KLHL3: variants seen among roughly 807,000 people sequenced by gnomAD.
The protein encoded by KLHL3 is kelch-like protein 3.
In KLHL3, 19 loss-of-function variants were observed where a neutral mutation model predicts 70.5. The observed-to-expected ratio is 0.27, with a 90% CI of 0.19 to 0.40. KLHL3 has a LOEUF of 0.40. Among genes scored for constraint, KLHL3 ranks in the 10% least tolerant of loss-of-function variants. The probability of loss-of-function intolerance (pLI) is 1.00; values close to 1 mark genes in which losing one functional copy is unlikely to be tolerated. For missense variants in KLHL3, 512 were observed against 771.1 expected (o/e 0.66, Z 3.98); for synonymous variants, 258 against 290.3 (o/e 0.89, Z 1.13).
intron 3 of KLHL3, among the ~76,000 whole-genome samples, chr5:137,700,311 C>G (rs1481658884): frequency 2.0e-5 from 3 of 152,152 alleles, no homozygotes; most frequent in East Asian, 3.8e-4. Context: ...AAAAGATAAT[C>G]AAAGATAGCC....
intron 6 of KLHL3, among the ~76,000 whole-genome samples, chr5:137,670,153 T>C (rs989614493): frequency 6.6e-6 from 1 of 152,166 alleles, no homozygotes; most frequent in African/African-American, 2.4e-5. Flanking sequence ...CCTAGACTCA[T>C]GCCACATAAA....
At chr5:137,674,039 A>T (rs1751827072) in intron 6 of KLHL3, 7 of 152,228 alleles carry the variant, frequency 4.6e-5, no homozygotes, top group Admixed American at 4.6e-4. Context: ...GAGCAGTACT[A>T]GTAGTAATAA....
intron 4 of KLHL3, among the ~76,000 whole-genome samples, chr5:137,697,896 G>A (rs911005945): frequency 6.6e-6 from 1 of 152,200 alleles, no homozygotes; most frequent in African/African-American, 2.4e-5. Flanking sequence ...TGCACTTACT[G>A]TTAGTACCCA....
At position 137,720,338 on chromosome 5, in the gene KLHL3, T is replaced by C. The variant is rs6887727; in HGVS notation, c.134+127A>G. ...AGAGAGAAAGAAAGGGGAACTCAAG[T>C]GACTAAGAATGGATGGAAAGAGTCA... On this transcript the variant is annotated intron_variant, in intron 2 of 14. Transcript: ENST00000309755. 823,106 of 1,086,232 alleles carry C rather than the reference T, an allele frequency of 0.76. 314,931 individuals are homozygous for C. Among genetic ancestry groups the C allele is most frequent in the East Asian group, 0.97 (39,341 of 40,400 alleles). 67.3% of individuals were successfully genotyped at this position (1,086,232 alleles called of 1,614,324 possible).
chr5:137,622,566 A>G (rs1750340616), intron 14 of KLHL3, among the ~76,000 whole-genome samples: 1 of 152,242 alleles, frequency 6.6e-6, no homozygotes, highest in Admixed American at 6.5e-5. Context: ...CCTTCATGGG[A>G]GCAAGAAAGA....
intron 5 of KLHL3, among the ~76,000 whole-genome samples, chr5:137,688,475 G>C (rs1174030850): frequency 6.6e-6 from 1 of 152,202 alleles, no homozygotes; most frequent in Non-Finnish European, 1.5e-5. Context: ...TGTGTCTAGC[G>C]GACAGCTGGA....
Position 137,618,298 on chromosome 5 carries a change from G to A in KLHL3, c.*3800C>T, listed in dbSNP as rs1038327892. ...TGATCCAGCTAGGTGCAAATGGGGA[G>A]CATGGAGGCAATTTAAATGGCACCT... On this transcript the variant is annotated 3_prime_UTR_variant, in exon 15 of 15. Transcript: ENST00000309755. The A allele has an allele frequency of 6.6e-6, 1 of 152,456 alleles. No individual in the cohort carries two copies. Among genetic ancestry groups the A allele is most frequent in the African/African-American group, 2.4e-5 (1 of 41,414 alleles). 9.4% of individuals were successfully genotyped at this position (152,456 alleles called of 1,614,324 possible). A position where few individuals can be genotyped will look rare whatever the true frequency, so the allele number is the denominator to read the frequency against.
chr5:137,708,180 A>G (rs1240865962), intron 3 of KLHL3, among the ~76,000 whole-genome samples: 2 of 152,194 alleles, frequency 1.3e-5, no homozygotes, highest in Admixed American at 1.3e-4. Flanking sequence ...GTAAGGTAAG[A>G]GTAGCCTGGT....
chr5:137,691,848 G>A (rs895428276), intron 5 of KLHL3, among the ~76,000 whole-genome samples: 2 of 151,276 alleles, frequency 1.3e-5, no homozygotes, highest in Non-Finnish European at 2.9e-5. Context: ...TCGATCTCCT[G>A]ACCTCATGAC....
Position 137,686,418 on chromosome 5 carries a change from C to A in KLHL3, c.526+5867G>T, listed in dbSNP as rs78841488. Among the ~76,000 whole-genome samples the A allele has an allele frequency of 4.8e-3, 732 of 152,342 alleles. 5 individuals carry two copies. The highest frequency in any genetic ancestry group is 0.016 in the African/African-American group (683 of 41,582). ...ATCATCCTGGAAACAGGATAGGATG[C>A]GCTACTCCCATGATAGAGAGAAGAA... On this transcript the variant is annotated intron_variant, in intron 5 of 14. Transcript: ENST00000309755.
At chr5:137,677,885 G>C (rs1751925012) in intron 5 of KLHL3, among the ~76,000 whole-genome samples, 1 of 152,178 alleles carries the variant, frequency 6.6e-6, no homozygotes, top group South Asian at 2.1e-4. Context: ...CATCAACACA[G>C]ATGAAAATGG....
chr5:137,639,119 G>A lies in KLHL3; in HGVS notation c.1053C>T (p.Ala351=), dbSNP rs763780745. The change falls in exon 10 of 15, where the codon GCC becomes GCT. Residue 351 remains alanine, a synonymous_variant. Coordinates refer to ENST00000309755, the MANE Select transcript of KLHL3 (RefSeq NM_017415.3). The surrounding 1 kb of genome is among the most constrained non-coding windows in gnomAD (Gnocchi z 5.0). The part of the protein sequence containing the change: ...GVVFMAGHVY[A]VGGFNGSLRV... ...GCAGTGAGCCATTAAACCCTCCCAC[G>A]GCATACACGTGGCCAGCCATGAACA... is the stretch of plus-strand genomic sequence containing the variant. The A allele has an allele frequency of 3.7e-6, 6 of 1,613,780 alleles. No individual in the cohort carries two copies. The highest frequency in any genetic ancestry group is 3.3e-5 in the Admixed American group (2 of 59,980).
At chr5:137,723,783 T>C (rs538811203) in intron 1 of KLHL3, among the ~76,000 whole-genome samples, 5 of 152,256 alleles carry the variant, frequency 3.3e-5, no homozygotes, top group Non-Finnish European at 5.9e-5. Flanking sequence ...TGCTAATGAA[T>C]AGTATTGTCA....
At position 137,728,987 on chromosome 5, in the gene KLHL3, AAAAAAAAGAAAAG is replaced by A. The variant is rs1489726847; in HGVS notation, c.14+6633_14+6645del. Among the ~76,000 whole-genome samples the A allele has an allele frequency of 2.0e-5, 3 of 152,086 alleles. No homozygotes were observed. In the South Asian group the frequency reaches 6.2e-4, roughly 32 times the overall value. On this transcript the variant is annotated intron_variant, in intron 1 of 14. Coordinates refer to ENST00000309755, the MANE Select transcript of KLHL3 (RefSeq NM_017415.3). The stretch of plus-strand genomic sequence containing the variant: ...TGAACCTAAAATAAAAGTTAAAAAA[AAAAAAAAGAAAAG>A]AAAAAACAAATGAGGAGTTCCAGAA...
chr5:137,704,049 C>T (rs2967807), intron 3 of KLHL3, among the ~76,000 whole-genome samples: 116,252 of 152,008 alleles, frequency 0.76, 44,721 homozygotes, highest in East Asian at 0.98. Context: ...TATTCCAGTC[C>T]CTTCAATAAG....
At position 137,639,962 on chromosome 5, in the gene KLHL3, C is replaced by G. The variant is rs1750870082; in HGVS notation, c.919G>C (p.Gly307Arg). ...CGGATTGCCTTGGGTGCCTGGCCGC[C>G]AACCACAATCATGACCTCCGGAGAG... ...VSLPKVMIVVGGQAPKAIRSV... is the reference protein window; with the variant it reads ...VSLPKVMIVVRGQAPKAIRSV... Residue 307 changes from glycine to arginine, a missense_variant, in exon 9 of 15, where the codon GGC becomes CGC. Coordinates refer to ENST00000309755, the MANE Select transcript of KLHL3 (RefSeq NM_017415.3). The surrounding 1 kb of genome is among the most constrained non-coding windows in gnomAD (Gnocchi z 5.0). 1 of 1,614,028 alleles carries G rather than the reference C, an allele frequency of 6.2e-7. No homozygotes were observed. The highest frequency in any genetic ancestry group is 8.5e-7 in the Non-Finnish European group (1 of 1,179,996).
chr5:137,621,938 A>T lies in KLHL3; in HGVS notation c.*160T>A. 1.3e-6 allele frequency: 1 copy of T among 763,006 alleles called. No homozygotes were observed. Among genetic ancestry groups the T allele is most frequent in the Non-Finnish European group, 2.3e-6 (1 of 432,484 alleles). The allele number at this position is 763,006 out of a possible 1,614,324, so 47.3% of individuals were successfully genotyped here. A position where few individuals can be genotyped will look rare whatever the true frequency, so the allele number is the denominator to read the frequency against. ...AACGGGGGTGGGTAATGGTGTCCAC[A>T]CTGCGATGAACAACACCAGTCTGCC... On this transcript the variant is annotated 3_prime_UTR_variant, in exon 15 of 15. Coordinates refer to ENST00000309755, the MANE Select transcript of KLHL3 (RefSeq NM_017415.3).
chr5:137,730,646 G>A (rs943824303), intron 1 of KLHL3, among the ~76,000 whole-genome samples: 1 of 152,162 alleles, frequency 6.6e-6, no homozygotes, highest in Admixed American at 6.5e-5. Flanking sequence ...AGTGGGCTGT[G>A]TAAAAATGTA....
At chr5:137,634,905 T>C (rs1750730641) in intron 11 of KLHL3, among the ~76,000 whole-genome samples, 1 of 152,166 alleles carries the variant, frequency 6.6e-6, no homozygotes, top group Non-Finnish European at 1.5e-5. Flanking sequence ...AATTTGGCAT[T>C]TGAGCTATCC....
Sources: gnomAD v4.1 joint callset for allele counts (sites outside exome capture counted in the v4.1 genomes callset) on GRCh38, gnomAD v4.1.1 for gene constraint, Gnocchi (gnomAD v3.1) non-coding constraint, MANE v1.5 for transcripts, NCBI Gene and HGNC (gene_info 2026-07-23, HGNC 2026-07-21) for gene names.